NPR3: variants seen among roughly 807,000 people sequenced by gnomAD.
NPR3 encodes the protein atrial natriuretic peptide receptor 3.
NPR3 carries 34 observed loss-of-function variants against 54.5 expected under a neutral mutation model. The ratio of observed to expected loss-of-function variants is 0.62; its 90% confidence interval spans 0.47 to 0.83. The LOEUF (loss-of-function observed/expected upper bound fraction) is 0.83, where lower values mean the gene tolerates loss of function less well. Among genes scored for constraint, NPR3 ranks in the 40% least tolerant of loss-of-function variants. The pLI, the probability that NPR3 is intolerant of heterozygous loss-of-function variation, is 0.00. For synonymous variants in NPR3, 289 were observed against 297.1 expected, an observed-to-expected ratio of 0.97 and a Z score of 0.28; for missense variants, 674 against 720.8, an observed-to-expected ratio of 0.94 and a Z score of 0.74.
intron 2 of NPR3, among the ~76,000 whole-genome samples, chr5:32,732,291 A>T (rs559329067): frequency 7.8e-4 from 117 of 150,818 alleles, no homozygotes; most frequent in African/African-American, 2.8e-3. Flanking sequence ...CATTCTCAAG[A>T]TCAAAGATGG....
In NPR3 at chr5:32,754,931, G is replaced by A. The variant is rs930682951; in HGVS notation, c.1059+15901G>A. Among the ~76,000 whole-genome samples the A allele has an allele frequency of 5.3e-5, 8 of 152,260 alleles. No homozygotes were observed. The South Asian group carries it at 8.3e-4, about 16-fold the overall frequency. On this transcript the variant is annotated intron_variant, in intron 3 of 7. Coordinates refer to ENST00000265074, the MANE Select transcript of NPR3 (RefSeq NM_001204375.2). ...GCTGGAGGGCAGTGGCGTGATCTCC[G>A]CCCACTGCAAGCTCCGCTTCCCAGG... is the stretch of plus-strand genomic sequence containing the variant.
At chr5:32,691,366 C>G (rs896137277) in intron 1 of NPR3, among the ~76,000 whole-genome samples, 2 of 152,182 alleles carry the variant, frequency 1.3e-5, no homozygotes, top group Non-Finnish European at 2.9e-5. Context: ...TTAGGGAAAT[C>G]AATTATTCAA....
chr5:32,769,727 C>T (rs1741653654), intron 3 of NPR3, among the ~76,000 whole-genome samples: 1 of 152,208 alleles, frequency 6.6e-6, no homozygotes, highest in East Asian at 1.9e-4. Flanking sequence ...CACTTTCTTC[C>T]AGCAGCCTCT....
At chr5:32,758,651 G>T (rs1485997877) in intron 3 of NPR3, among the ~76,000 whole-genome samples, 1 of 152,006 alleles carries the variant, frequency 6.6e-6, no homozygotes, top group Non-Finnish European at 1.5e-5. Context: ...GCTAGCTTTT[G>T]AATGTGTTTG....
At chr5:32,766,149 G>A (rs535695764) in intron 3 of NPR3, among the ~76,000 whole-genome samples, 2 of 152,310 alleles carry the variant, frequency 1.3e-5, no homozygotes, top group African/African-American at 2.4e-5. Context: ...AGAGCTGGCT[G>A]GAGAAGGGCG....
chr5:32,713,333 T>C, intron 1 of NPR3: 1 of 985,370 alleles, frequency 1.0e-6, no homozygotes, highest in Non-Finnish European at 1.2e-6. Flanking sequence ...GGTGTTGGAA[T>C]AAAACCCAAA....
At chr5:32,705,710 G>A (rs1737967730), upstream of NPR3, among the ~76,000 whole-genome samples, 1 of 152,086 alleles carries the variant, frequency 6.6e-6, no homozygotes, top group South Asian at 2.1e-4. Flanking sequence ...AAATATTGGG[G>A]ATTACAATTC....
At chr5:32,724,354 G>A (rs923630804) in intron 1 of NPR3, among the ~76,000 whole-genome samples, 4 of 152,172 alleles carry the variant, frequency 2.6e-5, no homozygotes, top group Non-Finnish European at 5.9e-5. Flanking sequence ...TTTAAAGAGC[G>A]TAGGCCGATT....
chr5:32,739,821 G>A (rs1225568649), intron 3 of NPR3, among the ~76,000 whole-genome samples: 1 of 152,202 alleles, frequency 6.6e-6, no homozygotes, highest in Non-Finnish European at 1.5e-5. Flanking sequence ...TTGAGTAGGT[G>A]TGCTGGTCTT....
intron 1 of NPR3, chr5:32,716,276 A>G: frequency 2.9e-6 from 1 of 349,398 alleles, no homozygotes; most frequent in Non-Finnish European, 5.6e-6. Flanking sequence ...GAGGAGAAAA[A>G]GGTTCCTGTC....
In NPR3 at chr5:32,786,359, C is replaced by CT. The variant is rs370683701; in HGVS notation, c.*25dup. 0.14 allele frequency: 98,032 copies of CT among 705,442 alleles called. 9 individuals carry two copies. Among genetic ancestry groups the CT allele is most frequent in the South Asian group, 0.2 (7,042 of 36,096 alleles). The allele number at this position is 705,442 out of a possible 1,614,324, so 43.7% of individuals were successfully genotyped here. A position where few individuals can be genotyped will look rare whatever the true frequency, so the allele number is the denominator to read the frequency against. On this transcript the variant is annotated 3_prime_UTR_variant, in exon 8 of 8. Coordinates refer to ENST00000265074, the MANE Select transcript of NPR3 (RefSeq NM_001204375.2). ...TCAGTAGCTTAAAGGAAGCCCCCCA[C>CT]TTTTTTTTTTTCTGCCTGAGATTCT... is the stretch of plus-strand genomic sequence containing the variant.
chr5:32,731,664 C>G (rs1159177479), intron 2 of NPR3, among the ~76,000 whole-genome samples: 1 of 152,116 alleles, frequency 6.6e-6, no homozygotes, highest in Admixed American at 6.5e-5. Flanking sequence ...TACATTTTTT[C>G]TGTGGTGTTA....
Position 32,711,610 on chromosome 5 carries a change from T to G in NPR3, c.-167T>G. ...CTAGTGACATTGCAGAGAAGGACGC[T>G]TCCTCTCTATCTTTTGGCGCATTAG... On this transcript the variant is annotated 5_prime_UTR_variant, in exon 1 of 8. Transcript: ENST00000265074. 1 of 1,250,644 alleles carries G rather than the reference T, an allele frequency of 8.0e-7. No homozygotes were observed. Among genetic ancestry groups the G allele is most frequent in the Non-Finnish European group, 1.0e-6 (1 of 1,001,402 alleles). The allele number at this position is 1,250,644 out of a possible 1,614,324, so 77.5% of individuals were successfully genotyped here. A position where few individuals can be genotyped will look rare whatever the true frequency, so the allele number is the denominator to read the frequency against.
chr5:32,744,267 AGGC>A (rs1740186085), intron 3 of NPR3, among the ~76,000 whole-genome samples: 1 of 152,152 alleles, frequency 6.6e-6, no homozygotes, highest in African/African-American at 2.4e-5. Flanking sequence ...CTGGGATTAC[AGGC>A]GTGAGCCATC....
intron 1 of NPR3, among the ~76,000 whole-genome samples, chr5:32,704,207 C>A (rs554261317): frequency 2.0e-5 from 3 of 152,312 alleles, no homozygotes; most frequent in South Asian, 4.1e-4. Flanking sequence ...TCTCTCTCCA[C>A]ACCACATGGC....
intron 6 of NPR3, among the ~76,000 whole-genome samples, chr5:32,784,296 C>T (rs1011968870): frequency 1.9e-4 from 29 of 152,180 alleles, no homozygotes; most frequent in African/African-American, 5.8e-4. Flanking sequence ...TCAAGTGATT[C>T]TCTTGCCTCA....
Position 32,788,642 on chromosome 5 carries a change from T to G in NPR3, c.*2297T>G, listed in dbSNP as rs1742754251. 6.6e-6 allele frequency: 1 copy of G among 152,196 alleles called. No individual in the cohort carries two copies. The highest frequency in any genetic ancestry group is 2.1e-4 in the South Asian group (1 of 4,830). The allele number at this position is 152,196 out of a possible 1,614,324, so 9.4% of individuals were successfully genotyped here. On this transcript the variant is annotated 3_prime_UTR_variant, in exon 8 of 8. Transcript: ENST00000265074. ...AACTTCTATAGCAGCCCATTAACAC[T>G]AACATTTTTAGAGCAAATATATTCT... is the stretch of plus-strand genomic sequence containing the variant.
intron 2 of NPR3, among the ~76,000 whole-genome samples, chr5:32,735,959 G>A (rs186031319): frequency 5.9e-5 from 9 of 152,186 alleles, no homozygotes; most frequent in Admixed American, 1.3e-4. Flanking sequence ...GGCTGAGCTC[G>A]GTGGCTCACG....
chr5:32,759,121 C>T (rs535702762), intron 3 of NPR3, among the ~76,000 whole-genome samples: 103 of 152,088 alleles, frequency 6.8e-4, no homozygotes, highest in South Asian at 2.7e-3. Flanking sequence ...CTATTAGGTC[C>T]GCTTGGTGCA....
Sources: allele counts gnomAD v4.1 joint callset (sites outside exome capture counted in the v4.1 genomes callset), GRCh38; gene constraint gnomAD v4.1.1; transcripts MANE v1.5; gene names NCBI Gene and HGNC (gene_info 2026-07-23, HGNC 2026-07-21).